COL22A1: variants seen among roughly 807,000 people sequenced by gnomAD.
COL22A1 encodes the protein collagen alpha-1(XXII) chain.
A neutral mutation model predicts 248.9 loss-of-function variants in COL22A1; 221 were observed. The ratio of observed to expected loss-of-function variants is 0.89; its 90% confidence interval spans 0.80 to 0.99. The LOEUF is 0.99. COL22A1 is among the 50% of genes least tolerant of loss of function. The probability of loss-of-function intolerance (pLI) is 0.00; values close to 1 mark genes in which losing one functional copy is unlikely to be tolerated. For synonymous variants in COL22A1, 891 were observed against 793.4 expected, an observed-to-expected ratio of 1.12 and a Z score of -2.07; for missense variants, 2,240 against 2,179.0, an observed-to-expected ratio of 1.03 and a Z score of -0.56.
chr8:138,599,434 G>A (rs978839354), intron 60 of COL22A1, among the ~76,000 whole-genome samples: 4 of 152,042 alleles, frequency 2.6e-5, no homozygotes, highest in Admixed American at 1.3e-4. Context: ...AGCCAAGATC[G>A]CACCGCTGCA....
Position 138,693,732 on chromosome 8 carries a change from G to A in COL22A1, c.2701-33C>T, listed in dbSNP as rs776864271. The A allele has an allele frequency of 3.2e-6, 5 of 1,552,342 alleles. No individual in the cohort carries two copies. In the African/African-American group the frequency reaches 5.5e-5, roughly 17 times the overall value. On this transcript the variant is annotated intron_variant, in intron 34 of 64. Transcript: ENST00000303045. Reference sequence around the variant, plus strand: ...GGAAATAAAAGAGGGGCGGGGGTAAGACACCCTCAGTGATGCTGTTTCCCC... The same window carrying A: ...GGAAATAAAAGAGGGGCGGGGGTAAAACACCCTCAGTGATGCTGTTTCCCC...
At chr8:138,893,515 C>T (rs746081909) in intron 1 of COL22A1, among the ~76,000 whole-genome samples, 16 of 152,226 alleles carry the variant, frequency 1.1e-4, no homozygotes, top group Non-Finnish European at 2.2e-4. Flanking sequence ...TATTACTTTC[C>T]AATCCTTAGT....
chr8:138,604,867 C>T (rs1037761033), intron 58 of COL22A1, 98 bp from the exon 59 acceptor site: 2 of 1,045,086 alleles, frequency 1.9e-6, no homozygotes, highest in South Asian at 1.4e-5. Flanking sequence ...AAGTCATGTT[C>T]CAGCAAAGAC....
Position 138,823,170 on chromosome 8 carries a change from GA to G in COL22A1, c.970-1760del, listed in dbSNP as rs200480648. Among the ~76,000 whole-genome samples, 33 of 152,236 alleles carry G rather than the reference GA, an allele frequency of 2.2e-4. No homozygotes were observed. In the East Asian group the frequency reaches 5.4e-3, roughly 25 times the overall value. ...GGGACCAATAGTAGTGCCTATTTGT[GA>G]AGAGGATCATATAAATTGATCCACG... On this transcript the variant is annotated intron_variant, in intron 6 of 64. Transcript: ENST00000303045.
rs748132713 is a variant in COL22A1, at chr8:138,679,637, G to C, written c.3052C>G (p.Leu1018Val). The C allele has an allele frequency of 6.2e-7, 1 of 1,614,008 alleles. No homozygotes were observed. Among genetic ancestry groups the C allele is most frequent in the Non-Finnish European group, 8.5e-7 (1 of 1,179,924 alleles). Residue 1018 changes from leucine to valine, a missense_variant, in exon 40 of 65, where the codon CTG becomes GTG. Physicochemically the swap from Leu to Val is conservative, Grantham distance 32. Coordinates refer to ENST00000303045, the MANE Select transcript of COL22A1 (RefSeq NM_152888.3). ...CTGACCTTAACACATTGCCCTCCCA[G>C]TGCACAGTTTTCTGACCCTCTGACT... ...GKVRGSENCALGGQCVKGDRG... is the reference protein window; with the variant it reads ...GKVRGSENCAVGGQCVKGDRG...
In COL22A1 at chr8:138,616,839, CTGCA is replaced by C. The variant is rs1380915421; in HGVS notation, c.3870+71_3870+74del. ...GTAAGGCACTGCCATGGCCTGCAGG[CTGCA>C]AGTATCTTCTGTCTGGGAAGTGTAA... is the stretch of plus-strand genomic sequence containing the variant. On this transcript the variant is annotated intron_variant, in intron 54 of 64. Transcript: ENST00000303045. The C allele has an allele frequency of 2.4e-5, 37 of 1,556,908 alleles. No homozygotes were observed. The African/African-American group carries it at 4.7e-4, about 20-fold the overall frequency.
intron 3 of COL22A1, among the ~76,000 whole-genome samples, chr8:138,865,284 T>C (rs986633342): frequency 6.6e-6 from 1 of 152,202 alleles, no homozygotes; most frequent in Non-Finnish European, 1.5e-5. Flanking sequence ...TGGTTGTCTA[T>C]GTGTGTGCAT....
chr8:138,802,249 A>C (rs947393779), intron 11 of COL22A1, among the ~76,000 whole-genome samples: 1 of 152,102 alleles, frequency 6.6e-6, no homozygotes, highest in Non-Finnish European at 1.5e-5. Context: ...CATCTCTGCA[A>C]TTCTTTCCTG....
chr8:138,673,606 G>A (rs534946750), intron 41 of COL22A1, among the ~76,000 whole-genome samples: 93 of 152,320 alleles, frequency 6.1e-4, no homozygotes, highest in African/African-American at 2.2e-3. Flanking sequence ...GCCACAAAGC[G>A]AGGTGTTGCA....
At chr8:138,684,028 G>A (rs548547169) in intron 39 of COL22A1, among the ~76,000 whole-genome samples, 2 of 152,136 alleles carry the variant, frequency 1.3e-5, no homozygotes, top group East Asian at 1.9e-4. Context: ...TTGGGAGGCC[G>A]AGGCAGGTAT....
chr8:138,734,128 G>C (rs1037332207), intron 23 of COL22A1, among the ~76,000 whole-genome samples: 3 of 152,118 alleles, frequency 2.0e-5, no homozygotes, highest in Non-Finnish European at 4.4e-5. Context: ...GTTGCTCCCC[G>C]AAAGCTCTGC....
intron 23 of COL22A1, among the ~76,000 whole-genome samples, chr8:138,732,921 A>T (rs1014307206): frequency 6.6e-6 from 1 of 152,238 alleles, no homozygotes; most frequent in African/African-American, 2.4e-5. Context: ...GAATTTGAAG[A>T]TGCATGAAAA....
chr8:138,599,689 C>A, intron 60 of COL22A1, among the ~76,000 whole-genome samples: 1 of 152,066 alleles, frequency 6.6e-6, no homozygotes, highest in South Asian at 2.1e-4. Flanking sequence ...CATGCCACTG[C>A]ACTCTAGCCT....
intron 22 of COL22A1, among the ~76,000 whole-genome samples, chr8:138,746,042 C>T (rs1345481157): frequency 1.3e-5 from 2 of 152,356 alleles, no homozygotes; most frequent in Admixed American, 6.5e-5. Flanking sequence ...CCTGCAGCTC[C>T]GGGGATGGCG....
At position 138,636,532 on chromosome 8, in the gene COL22A1, A is replaced by AAAGGAAAGGCAAGGC. The variant is rs59983327; in HGVS notation, c.3555+209_3555+210insGCCTTGCCTTTCCTT. Among the ~76,000 whole-genome samples, 34 of 82,172 alleles carry AAAGGAAAGGCAAGGC rather than the reference A, an allele frequency of 4.1e-4. 3 individuals are homozygous for AAAGGAAAGGCAAGGC. The highest frequency in any genetic ancestry group is 1.4e-3 in the South Asian group (3 of 2,078). 53.9% of individuals were successfully genotyped at this position (82,172 alleles called of 152,430 possible). On this transcript the variant is annotated intron_variant, in intron 48 of 64. Transcript: ENST00000303045. ...AAAGGAAAGGAAAGGAAAGGAAAGG[A>AAAGGAAAGGCAAGGC]AAGGCAGGGAGGCTTCTCCAATAAT...
chr8:138,676,491 G>T, intron 41 of COL22A1, 67 bp downstream of exon 41: 2 of 604,756 alleles, frequency 3.3e-6, no homozygotes, highest in Non-Finnish European at 5.0e-6. Context: ...TGTTTCTGCA[G>T]GCAGGTCCAA....
chr8:138,686,443 G>T (rs1277355638), intron 37 of COL22A1, among the ~76,000 whole-genome samples: 2 of 152,212 alleles, frequency 1.3e-5, no homozygotes, highest in Non-Finnish European at 2.9e-5. Context: ...TTCTCAGATG[G>T]AGCAGAGGTA....
At chr8:138,846,241 G>A (rs1272569541) in intron 3 of COL22A1, among the ~76,000 whole-genome samples, 1 of 152,168 alleles carries the variant, frequency 6.6e-6, no homozygotes, top group Non-Finnish European at 1.5e-5. Flanking sequence ...CTGCCAGAGA[G>A]ACAGGCTGGG....
At chr8:138,629,588 C>T (rs1460591344) in intron 50 of COL22A1, among the ~76,000 whole-genome samples, 3 of 152,164 alleles carry the variant, frequency 2.0e-5, no homozygotes, top group East Asian at 1.9e-4. Context: ...ACTCAACATC[C>T]GTCTGGCTGC....
Sources: gnomAD v4.1 joint callset for allele counts (sites outside exome capture counted in the v4.1 genomes callset) on GRCh38, gnomAD v4.1.1 for gene constraint, MANE v1.5 for transcripts, NCBI Gene and HGNC (gene_info 2026-07-23, HGNC 2026-07-21) for gene names.